VIM: variants seen among roughly 807,000 people sequenced by gnomAD.
VIM encodes epididymis secretory sperm binding protein.
Under a neutral mutation model 50.3 loss-of-function variants are expected in VIM, and 18 were observed. The ratio of observed to expected loss-of-function variants is 0.36; its 90% CI spans 0.25 to 0.53. The LOEUF is 0.53. Ranked by LOEUF, VIM falls within the 20% of genes least tolerant of loss-of-function variation. The pLI is 0.91. For synonymous variants in VIM, 245 were observed against 248.5 expected (o/e 0.99, Z 0.13); for missense variants, 551 against 614.7 (o/e 0.90, Z 1.10).
intron 6 of VIM, 96 bp from the exon 7 acceptor site, chr10:17,235,073 G>C (rs112738179): frequency 1.4e-6 from 2 of 1,429,144 alleles, no homozygotes; most frequent in Non-Finnish European, 1.9e-6. Context: ...GCCATTTGCC[G>C]CTAATGGAAA....
intron 2 of VIM, 69 bp downstream of exon 2, chr10:17,230,054 G>C: frequency 6.6e-7 from 1 of 1,506,816 alleles, no homozygotes; most frequent in Admixed American, 2.1e-5. Context: ...ACGCCCCCCC[G>C]GCCCCCGCGA....
chr10:17,234,105 T>C (rs1050377454), intron 5 of VIM, 174 bp downstream of exon 5: 2 of 689,556 alleles, frequency 2.9e-6, no homozygotes, highest in Non-Finnish European at 2.4e-6. Flanking sequence ...ACCTCCTTTA[T>C]TTATTTATTT....
At chr10:17,230,765 C>A in intron 3 of VIM, 55 bp downstream of exon 3, 5 of 1,604,342 alleles carry the variant, frequency 3.1e-6, no homozygotes, top group Non-Finnish European at 3.4e-6. Context: ...ACACAACCCA[C>A]GAGCAATTCT....
Position 17,229,503 on chromosome 10 carries a change from C to A in VIM, c.81C>A (p.Ser27Arg). ...GPGTASRPSS[S>R]RSYVTTSTRT... is the part of the protein sequence containing the mutation. ...GCACCGCGAGCCGGCCGAGCTCCAG[C>A]CGGAGCTACGTGACTACGTCCACCC... Residue 27 changes from serine (S) to arginine (R), a missense_variant, in exon 2 of 10, where the codon AGC (serine) becomes AGA (arginine). This residue lies in a region of VIM where 134 missense variants were observed against 126.4 expected (regional missense o/e 1.06). Transcript: ENST00000544301. The A allele has an allele frequency of 6.2e-7, 1 of 1,607,854 alleles. No homozygotes were observed.
At position 17,236,284 on chromosome 10, in the gene VIM, G is replaced by A. The variant is rs781008122; in HGVS notation, c.1274-10G>A. ...GTTTTTACTCATTTTTGGCCTGTTT[G>A]TTTATTTAGAAACTAATCTGGATTC... On this transcript the variant is annotated splice_polypyrimidine_tract_variant and intron_variant, in intron 8 of 9. Coordinates refer to ENST00000544301, the MANE Select transcript of VIM (RefSeq NM_003380.5). 14 of 1,607,808 alleles carry A rather than the reference G, an allele frequency of 8.7e-6. No homozygotes were observed. The highest frequency in any genetic ancestry group is 1.1e-5 in the Non-Finnish European group (13 of 1,174,546).
intron 3 of VIM, chr10:17,233,300 G>C (rs1008160842): frequency 2.7e-5 from 11 of 406,026 alleles, no homozygotes; most frequent in African/African-American, 2.2e-4. Context: ...AGTCATGATT[G>C]AGTGCAGTTT....
intron 1 of VIM, 58 bp from the exon 2 acceptor site, chr10:17,229,218 G>A (rs1250038006): frequency 3.5e-6 from 2 of 566,596 alleles, no homozygotes; most frequent in African/African-American, 4.0e-5. Context: ...GGATGGCAGT[G>A]GGAGGGGACC....
intron 9 of VIM, 72 bp from the exon 10 acceptor site, chr10:17,237,158 G>T (rs533806117): frequency 1.5e-6 from 2 of 1,316,712 alleles, no homozygotes; most frequent in East Asian, 2.4e-5. Flanking sequence ...ATTTTTATTT[G>T]CCGTGATATA....
chr10:17,229,952 A>G lies in VIM; in HGVS notation c.530A>G (p.Asn177Ser), dbSNP rs1262487660. ...GCCCGCGTCGAGGTGGAGCGCGACA[A>G]CCTGGCCGAGGACATCATGCGCCTC... Reference protein sequence around the residue: ...DKARVEVERDNLAEDIMRLRE... With the variant: ...DKARVEVERDSLAEDIMRLRE... The change falls in exon 2 of 10, where the codon AAC (asparagine) becomes AGC (serine). Residue 177 changes from asparagine (N) to serine (S), a missense_variant. Coordinates refer to ENST00000544301, the MANE Select transcript of VIM (RefSeq NM_003380.5). The G allele has an allele frequency of 1.2e-6, 2 of 1,612,686 alleles. No individual in the cohort carries two copies. The highest frequency in any genetic ancestry group is 2.2e-5 in the South Asian group (2 of 90,894).
chr10:17,229,790 T>A lies in VIM; in HGVS notation c.368T>A (p.Phe123Tyr). 1 of 1,594,462 alleles carries A rather than the reference T, an allele frequency of 6.3e-7. No homozygotes were observed. Among genetic ancestry groups the A allele is most frequent in the Non-Finnish European group, 8.5e-7 (1 of 1,170,420 alleles). The change falls in exon 2 of 10, where the codon TTC (phenylalanine) becomes TAC (tyrosine). Residue 123 changes from phenylalanine (F) to tyrosine (Y), a missense_variant. Around this residue, in one of 3 missense-constraint regions of VIM, gnomAD observed 394 missense variants for 437.5 expected, o/e 0.90. Coordinates refer to ENST00000544301, the MANE Select transcript of VIM (RefSeq NM_003380.5). Reference protein sequence around the residue: ...RFANYIDKVRFLEQQNKILLA... With the variant: ...RFANYIDKVRYLEQQNKILLA... ...GCCAACTACATCGACAAGGTGCGCT[T>A]CCTGGAGCAGCAGAATAAGATCCTG...
intron 9 of VIM, 113 bp downstream of exon 9, chr10:17,236,492 C>G (rs1846891765): frequency 1.1e-5 from 10 of 878,806 alleles, no homozygotes; most frequent in Non-Finnish European, 1.9e-5. Context: ...GTTCAGGTTT[C>G]ATTCATGCCT....
At chr10:17,230,803 G>C in intron 3 of VIM, 93 bp downstream of exon 3, 1 of 1,476,874 alleles carries the variant, frequency 6.8e-7, no homozygotes. Flanking sequence ...CGTCTAAAAA[G>C]TGCAAAACTT....
Position 17,228,260 on chromosome 10 carries a change from C to T in VIM, c.-412C>T, listed in dbSNP as rs1846713140. 1 of 152,202 alleles carries T rather than the reference C, an allele frequency of 6.6e-6. No homozygotes were observed. Among genetic ancestry groups the T allele is most frequent in the Admixed American group, 6.5e-5 (1 of 15,276 alleles). 9.4% of individuals were successfully genotyped at this position (152,202 alleles called of 1,614,324 possible). On this transcript the variant is annotated 5_prime_UTR_variant, in exon 1 of 10. Transcript: ENST00000544301. ...TGATCTGGGAGGCCCACGTATGGCGCCTCTCCAAAGGCTGCAGAAGTTTCT... is the reference window on the plus strand; with the variant it reads ...TGATCTGGGAGGCCCACGTATGGCGTCTCTCCAAAGGCTGCAGAAGTTTCT...
chr10:17,230,621 C>A (rs759813480), intron 2 of VIM, 29 bp from the exon 3 acceptor site: 1 of 1,613,508 alleles, frequency 6.2e-7, no homozygotes, highest in Non-Finnish European at 8.5e-7. Flanking sequence ...TTTCCTCGTT[C>A]CCCTTTGGTT....
chr10:17,235,865 A>G lies in VIM; in HGVS notation c.1249A>G (p.Asn417Asp), dbSNP rs1276819494. The G allele has an allele frequency of 6.2e-7, 1 of 1,614,022 alleles. No homozygotes were observed. The highest frequency in any genetic ancestry group is 8.5e-7 in the Non-Finnish European group (1 of 1,179,956). Residue 417 changes from asparagine to aspartate, a missense_variant, in exon 8 of 10, where the codon AAC (asparagine) becomes GAC (aspartate). Physicochemically the swap from Asn to Asp is conservative, Grantham distance 23. Around this residue, in one of 3 missense-constraint regions of VIM, gnomAD observed 394 missense variants for 437.5 expected, o/e 0.90. Coordinates refer to ENST00000544301, the MANE Select transcript of VIM (RefSeq NM_003380.5). ...EESRISLPLP[N>D]FSSLNLRETN... ...TTATAGGATTTCTCTGCCTCTTCCA[A>G]ACTTTTCCTCCCTGAACCTGAGGGG...
chr10:17,229,389 G>T lies in VIM; in HGVS notation c.-34G>T. ...TCTCCGGGAGCCAGTCCGCGCCACC[G>T]CCGCCGCCCAGGCCATCGCCACCCT... is the stretch of plus-strand genomic sequence containing the variant. On this transcript the variant is annotated 5_prime_UTR_variant, in exon 2 of 10. Coordinates refer to ENST00000544301, the MANE Select transcript of VIM (RefSeq NM_003380.5). 1 of 1,568,394 alleles carries T rather than the reference G, an allele frequency of 6.4e-7. No individual in the cohort carries two copies. Among genetic ancestry groups the T allele is most frequent in the Non-Finnish European group, 8.6e-7 (1 of 1,162,946 alleles).
At chr10:17,235,036 C>T (rs1846862618) in intron 6 of VIM, 133 bp from the exon 7 acceptor site, 5 of 1,192,876 alleles carry the variant, frequency 4.2e-6, no homozygotes, top group Non-Finnish European at 6.0e-6. Flanking sequence ...TTGGTACTCG[C>T]ATTCTCCACC....
Position 17,235,245 on chromosome 10 carries a change from T to C in VIM, c.1085T>C (p.Ile362Thr), listed in dbSNP as rs114322672. Residue 362 changes from isoleucine to threonine, a missense_variant, in exon 7 of 10, where the codon ATT becomes ACT. By Grantham distance (89) the Ile-to-Thr change is moderately conservative (BLOSUM62 -1). Coordinates refer to ENST00000544301, the MANE Select transcript of VIM (RefSeq NM_003380.5). ...AVEAANYQDT[I>T]GRLQDEIQNM... Reference sequence around the variant, plus strand: ...GAAGCTGCTAACTACCAAGACACTATTGGCCGCCTGCAGGATGAGATTCAG... The same window carrying C: ...GAAGCTGCTAACTACCAAGACACTACTGGCCGCCTGCAGGATGAGATTCAG... 28 of 1,614,100 alleles carry C rather than the reference T, an allele frequency of 1.7e-5. No homozygotes were observed. The East Asian group carries it at 4.7e-4, about 27-fold the overall frequency.
At chr10:17,234,597 C>G (rs1846854019) in intron 5 of VIM, 96 bp from the exon 6 acceptor site, 1 of 1,570,898 alleles carries the variant, frequency 6.4e-7, no homozygotes, top group Non-Finnish European at 8.7e-7. Context: ...TAAACCTATA[C>G]TGGAAGACAT....
Sources: gnomAD v4.1 joint callset for allele counts on GRCh38, gnomAD v4.1.1 for gene constraint, gnomAD v4.1.1 regional missense constraint, MANE v1.5 for transcripts, NCBI Gene and HGNC (gene_info 2026-07-23, HGNC 2026-07-21) for gene names.